IGSF3: variants seen among roughly 807,000 people sequenced by gnomAD.
The protein encoded by IGSF3 is immunoglobulin superfamily member 3.
A neutral mutation model predicts 114.4 loss-of-function variants in IGSF3; 23 were observed. That is an observed-to-expected ratio of 0.20 (90% CI 0.14 to 0.28). The LOEUF is 0.28. IGSF3 is among the 10% of genes least tolerant of loss of function. The pLI, the probability that IGSF3 is intolerant of heterozygous loss-of-function variation, is 1.00. For synonymous variants in IGSF3, 571 were observed against 645.2 expected (o/e 0.88, Z 1.74); for missense variants, 1,172 against 1,591.5 (o/e 0.74, Z 4.48).
Position 116,588,829 on chromosome 1 carries a change from C to G in IGSF3, c.2305G>C (p.Val769Leu), listed in dbSNP as rs200477999. 8 of 1,614,074 alleles carry G rather than the reference C, an allele frequency of 5.0e-6. No homozygotes were observed. The highest frequency in any genetic ancestry group is 5.9e-6 in the Non-Finnish European group (7 of 1,180,012). ...HVSGGLFSLTVQRAEVSDSGS... is the reference protein window; with the variant it reads ...HVSGGLFSLTLQRAEVSDSGS... ...CTGTCGCTGACCTCGGCTCTCTGGA[C>G]GGTGAGGCTGAACAGGCCCCCCGAC... Residue 769 changes from valine to leucine, a missense_variant, in exon 8 of 11, where the codon GTC becomes CTC. Around this residue, in one of 3 missense-constraint regions of IGSF3, gnomAD observed 736 missense variants for 1,042.0 expected, o/e 0.71. Transcript: ENST00000369486. This position sits in a 1 kb window ranked among gnomAD's most constrained non-coding sequence, Gnocchi z 4.9.
chr1:116,658,711 A>G (rs1648982637), intron 2 of IGSF3, among the ~76,000 whole-genome samples: 1 of 152,048 alleles, frequency 6.6e-6, no homozygotes. Context: ...AGCCCTTCCA[A>G]AAGGCCTTTC....
intron 2 of IGSF3, among the ~76,000 whole-genome samples, chr1:116,641,495 C>CAAAAAAAAAAAAAAAAAAAA (rs57930787): frequency 1.2e-4 from 5 of 40,684 alleles, no homozygotes; most frequent in Admixed American, 3.2e-4. Context: ...GACTCTGTCT[C>CAAAAAAAAAAAAAAAAAAAA]AAAAAAAAAA....
At position 116,657,647 on chromosome 1, in the gene IGSF3, A is replaced by C. The variant is rs1648918447; in HGVS notation, c.43+8637T>G. ...TCCTGGGGGAAGGAGAGTTAATAAA[A>C]TGGGTCCTTGAGAAGTGAAGTGGGA... On this transcript the variant is annotated intron_variant, in intron 2 of 10. Transcript: ENST00000369486. This position sits in a 1 kb window ranked among gnomAD's most constrained non-coding sequence, Gnocchi z 4.2. Among the ~76,000 whole-genome samples the C allele has an allele frequency of 6.6e-6, 1 of 152,204 alleles. No individual in the cohort carries two copies. The highest frequency in any genetic ancestry group is 1.5e-5 in the Non-Finnish European group (1 of 68,040).
chr1:116,609,045 A>C (rs1214028306), intron 4 of IGSF3, among the ~76,000 whole-genome samples: 1 of 151,946 alleles, frequency 6.6e-6, no homozygotes, highest in African/African-American at 2.4e-5. Flanking sequence ...TTACTTTAGT[A>C]GGAAAGTACC....
At position 116,649,574 on chromosome 1, in the gene IGSF3, GTTAAT is replaced by G. The variant is rs1282406663; in HGVS notation, c.43+16705_43+16709del. Among the ~76,000 whole-genome samples, 10 of 152,034 alleles carry G rather than the reference GTTAAT, an allele frequency of 6.6e-5. No homozygotes were observed. The highest frequency in any genetic ancestry group is 2.2e-4 in the African/African-American group (9 of 41,368). On this transcript the variant is annotated intron_variant, in intron 2 of 10. Coordinates refer to ENST00000369486, the MANE Select transcript of IGSF3 (RefSeq NM_001007237.3). The surrounding 1 kb of genome is among the most constrained non-coding windows in gnomAD (Gnocchi z 4.5). Reference sequence around the variant, plus strand: ...ATATCCATCTTACCCTTCTTCACCAGTTAATTTATTACAATCTTCCTTTGACAGCT... The same window carrying G: ...ATATCCATCTTACCCTTCTTCACCAGTTATTACAATCTTCCTTTGACAGCT...
In IGSF3 at chr1:116,647,667, G is replaced by C. The variant is rs1033856618; in HGVS notation, c.43+18617C>G. Among the ~76,000 whole-genome samples the C allele has an allele frequency of 2.6e-5, 4 of 152,328 alleles. No individual in the cohort carries two copies. The highest frequency in any genetic ancestry group is 1.3e-4 in the Admixed American group (2 of 15,308). ...GCTGGCTCCATAACAAATGTTGATT[G>C]AATGTTGTCTGGGCGGACAGAGGCA... On this transcript the variant is annotated intron_variant, in intron 2 of 10. Transcript: ENST00000369486. This position sits in a 1 kb window ranked among gnomAD's most constrained non-coding sequence, Gnocchi z 4.6.
At chr1:116,626,020 ATTCCCT>A (rs1321364275) in intron 2 of IGSF3, among the ~76,000 whole-genome samples, 2 of 152,200 alleles carry the variant, frequency 1.3e-5, no homozygotes, top group African/African-American at 4.8e-5. Context: ...CTGCTGCCTA[ATTCCCT>A]CATTACTAAA....
In IGSF3 at chr1:116,666,799, CTGCCTGGCATCAACCGTT is replaced by C. The variant is rs139697931; in HGVS notation, c.-491_-474del. The C allele has an allele frequency of 0.018, 7,462 of 413,622 alleles. 661 individuals carry two copies. The East Asian group carries it at 0.2, about 11-fold the overall frequency. 25.6% of individuals were successfully genotyped at this position (413,622 alleles called of 1,614,324 possible). A position where few individuals can be genotyped will look rare whatever the true frequency, so the allele number is the denominator to read the frequency against. Reference sequence around the variant, plus strand: ...CAAAACCTTTGACGGCCAAATCACCCTGCCTGGCATCAACCGTTTGGGTTTCTTCACCAAAAAGTCCGT... The same window carrying C: ...CAAAACCTTTGACGGCCAAATCACCCTGGGTTTCTTCACCAAAAAGTCCGT... On this transcript the variant is annotated 5_prime_UTR_variant, in exon 2 of 11. The change abolishes an upstream ATG in the 5' untranslated region. Transcript: ENST00000369486.
intron 2 of IGSF3, among the ~76,000 whole-genome samples, chr1:116,656,942 G>GAATT (rs1007813057): frequency 6.6e-6 from 1 of 151,810 alleles, no homozygotes; most frequent in Non-Finnish European, 1.5e-5. Context: ...ATGAATGAAT[G>GAATT]AATTAATTAA....
intron 2 of IGSF3, among the ~76,000 whole-genome samples, chr1:116,653,901 C>T (rs1394632047): frequency 6.6e-6 from 1 of 152,228 alleles, no homozygotes; most frequent in East Asian, 1.9e-4. Context: ...GCAGCGTGCT[C>T]AGAATGTGCT....
intron 8 of IGSF3, among the ~76,000 whole-genome samples, chr1:116,587,999 C>T (rs147595282): frequency 4.6e-5 from 7 of 152,270 alleles, no homozygotes; most frequent in East Asian, 3.9e-4. Flanking sequence ...AAGGAAATGA[C>T]GCAGACTTCT....
Position 116,643,356 on chromosome 1 carries a change from T to C in IGSF3, c.43+22928A>G, listed in dbSNP as rs1466337605. ...CCAGGGCTGGTATCCCAGCTACTTCTCCATTCATGCCGCAGGTCAATGATT... is the reference window on the plus strand; with the variant it reads ...CCAGGGCTGGTATCCCAGCTACTTCCCCATTCATGCCGCAGGTCAATGATT... On this transcript the variant is annotated intron_variant, in intron 2 of 10. Coordinates refer to ENST00000369486, the MANE Select transcript of IGSF3 (RefSeq NM_001007237.3). 1.4e-4 allele frequency among the ~76,000 whole-genome samples: 22 copies of C among 152,306 alleles called. No individual in the cohort carries two copies. In the East Asian group the frequency reaches 4.1e-3, roughly 28 times the overall value.
At chr1:116,631,171 A>G (rs1370992117) in intron 2 of IGSF3, among the ~76,000 whole-genome samples, 4 of 151,636 alleles carry the variant, frequency 2.6e-5, no homozygotes, top group Non-Finnish European at 5.9e-5. Context: ...ACAAAAAATT[A>G]GCCGGGAGCG....
In IGSF3 at chr1:116,584,927, C is replaced by T; in HGVS notation, c.2566G>A (p.Val856Ile). 6.2e-7 allele frequency: 1 copy of T among 1,613,682 alleles called. No homozygotes were observed. The highest frequency in any genetic ancestry group is 2.2e-5 in the East Asian group (1 of 44,854). Reference protein sequence around the residue: ...ITSQLMVEWFVWKPNHPERET... With the variant: ...ITSQLMVEWFIWKPNHPERET... Reference sequence around the variant, plus strand: ...CGCTCAGGGTGGTTGGGCTTCCATACAAACCATTCCACCATGAGCTGGGAG... The same window carrying T: ...CGCTCAGGGTGGTTGGGCTTCCATATAAACCATTCCACCATGAGCTGGGAG... Residue 856 changes from valine (V) to isoleucine (I), a missense_variant, in exon 9 of 11, where the codon GTA (valine) becomes ATA (isoleucine). Physicochemically the swap from Val to Ile is conservative, Grantham distance 29. Transcript: ENST00000369486. This position sits in a 1 kb window ranked among gnomAD's most constrained non-coding sequence, Gnocchi z 5.8.
Position 116,595,099 on chromosome 1 carries a change from G to C in IGSF3, c.2029+4842C>G, listed in dbSNP as rs1660288246. 2.0e-5 allele frequency among the ~76,000 whole-genome samples: 3 copies of C among 152,156 alleles called. No individual in the cohort carries two copies. The South Asian group carries it at 6.2e-4, about 32-fold the overall frequency. ...TGCTCAATGCATGCAGAGAGACAGG[G>C]AGGGAGGGGCAAGGGGAAAGCAGCA... On this transcript the variant is annotated intron_variant, in intron 7 of 10. Transcript: ENST00000369486. This position sits in a 1 kb window ranked among gnomAD's most constrained non-coding sequence, Gnocchi z 4.2.
At position 116,608,443 on chromosome 1, in the gene IGSF3, C is replaced by G. The variant is rs529392257; in HGVS notation, c.833-112G>C. ...TTCCTCTTCTTTACAATACTAACTG[C>G]GGGGAGGACCACAGCACTTAGCTTG... On this transcript the variant is annotated intron_variant, in intron 4 of 10. Coordinates refer to ENST00000369486, the MANE Select transcript of IGSF3 (RefSeq NM_001007237.3). 43 of 819,000 alleles carry G rather than the reference C, an allele frequency of 5.3e-5. No homozygotes were observed. In the Admixed American group the frequency reaches 9.8e-4, roughly 19 times the overall value. 50.7% of individuals were successfully genotyped at this position (819,000 alleles called of 1,614,324 possible).
Position 116,584,006 on chromosome 1 carries a change from T to A in IGSF3, c.2848+639A>T, listed in dbSNP as rs2101325155. ...GAGATCGAGACCAGCTTGGCCAACATGATGAAACCCCGTCTCTACTAAAAA... is the reference window on the plus strand; with the variant it reads ...GAGATCGAGACCAGCTTGGCCAACAAGATGAAACCCCGTCTCTACTAAAAA... On this transcript the variant is annotated intron_variant, in intron 9 of 10. Coordinates refer to ENST00000369486, the MANE Select transcript of IGSF3 (RefSeq NM_001007237.3). The surrounding 1 kb of genome is among the most constrained non-coding windows in gnomAD (Gnocchi z 5.8). Among the ~76,000 whole-genome samples, 1 of 152,112 alleles carries A rather than the reference T, an allele frequency of 6.6e-6. No homozygotes were observed. Among genetic ancestry groups the A allele is most frequent in the Non-Finnish European group, 1.5e-5 (1 of 68,000 alleles).
rs1005058045 is a variant in IGSF3 at position 116,588,103 on chromosome 1, G to C, written c.2440+591C>G. Among the ~76,000 whole-genome samples, 4 of 151,534 alleles carry C rather than the reference G, an allele frequency of 2.6e-5. No homozygotes were observed. The highest frequency in any genetic ancestry group is 4.4e-5 in the Non-Finnish European group (3 of 67,498). On this transcript the variant is annotated intron_variant, in intron 8 of 10. Coordinates refer to ENST00000369486, the MANE Select transcript of IGSF3 (RefSeq NM_001007237.3). The surrounding 1 kb of genome is among the most constrained non-coding windows in gnomAD (Gnocchi z 4.9). ...CTGCCCAAAAATGGAACTGAGGCTT[G>C]CGGACTGAATAGCTCTCCCTCCCTG...
At chr1:116,643,159 G>T (rs1276972222) in intron 2 of IGSF3, among the ~76,000 whole-genome samples, 1 of 152,150 alleles carries the variant, frequency 6.6e-6, no homozygotes, top group Non-Finnish European at 1.5e-5. Flanking sequence ...GGTATCAATA[G>T]TTCTGGAGTT....
Sources: allele counts gnomAD v4.1 joint callset (sites outside exome capture counted in the v4.1 genomes callset), GRCh38; gene constraint gnomAD v4.1.1; regional missense constraint gnomAD v4.1.1; non-coding constraint Gnocchi (gnomAD v3.1); transcripts MANE v1.5; gene names NCBI Gene and HGNC (gene_info 2026-07-23, HGNC 2026-07-21).